The following TMEM132B variants were observed in gnomAD, a reference collection of about 807,000 sequenced individuals.
TMEM132B encodes the protein transmembrane protein 132B.
In TMEM132B, 18 loss-of-function variants were observed where a neutral mutation model predicts 90.8. The ratio of observed to expected loss-of-function variants is 0.20; its 90% CI spans 0.14 to 0.29. TMEM132B has a LOEUF of 0.29. TMEM132B is among the 10% of genes least tolerant of loss of function. The pLI is 1.00. For missense variants in TMEM132B, 1,096 were observed against 1,326.8 expected (o/e 0.83, Z 2.70); for synonymous variants, 504 against 523.3 (o/e 0.96, Z 0.50).
intron 2 of TMEM132B, among the ~76,000 whole-genome samples, chr12:125,405,009 C>A (rs1217543761): frequency 6.6e-6 from 1 of 152,216 alleles, no homozygotes; most frequent in Non-Finnish European, 1.5e-5. Flanking sequence ...TCTGTGCCAG[C>A]ACTTTATATT....
At chr12:125,396,619 C>T (rs1005836419) in intron 2 of TMEM132B, among the ~76,000 whole-genome samples, 1 of 151,314 alleles carries the variant, frequency 6.6e-6, no homozygotes, top group Non-Finnish European at 1.5e-5. Context: ...CTCAGGTGAT[C>T]CTCCCACCTC....
chr12:125,199,521 G>A (rs192633656), intron 1 of TMEM132B, among the ~76,000 whole-genome samples: 2 of 152,266 alleles, frequency 1.3e-5, no homozygotes, highest in Admixed American at 6.5e-5. Context: ...GGGCATCTCT[G>A]GGGGAACAAG....
At chr12:125,264,606 G>A (rs1380642091) in intron 1 of TMEM132B, among the ~76,000 whole-genome samples, 1 of 152,182 alleles carries the variant, frequency 6.6e-6, no homozygotes, top group African/African-American at 2.4e-5. Context: ...AGGTCTTTAG[G>A]GGTCTCAGAA....
chr12:125,592,500 T>C (rs556448475), intron 5 of TMEM132B, among the ~76,000 whole-genome samples: 1 of 152,268 alleles, frequency 6.6e-6, no homozygotes, highest in African/African-American at 2.4e-5. Context: ...GTTTCCAAAC[T>C]TGGTCTGTGA....
rs528397903 is a variant in TMEM132B, at chr12:125,291,030, A to G, written c.68-58422A>G. Among the ~76,000 whole-genome samples, 41 of 152,292 alleles carry G rather than the reference A, an allele frequency of 2.7e-4. 1 individual carries two copies. The South Asian group carries it at 7.5e-3, about 28-fold the overall frequency. ...TTAATCCTTCCCCGTCCCCCAGCCAATTCATACGTTGAAATGCTAATCCCC... is the reference window on the plus strand; with the variant it reads ...TTAATCCTTCCCCGTCCCCCAGCCAGTTCATACGTTGAAATGCTAATCCCC... On this transcript the variant is annotated intron_variant, in intron 1 of 8. Transcript: ENST00000682704.
chr12:125,495,465 C>A (rs899863876), intron 3 of TMEM132B, among the ~76,000 whole-genome samples: 1 of 152,160 alleles, frequency 6.6e-6, no homozygotes, highest in African/African-American at 2.4e-5. Flanking sequence ...TCCCCTTGAC[C>A]CTTCCAACTC....
At chr12:125,604,743 G>A (rs899574637) in intron 5 of TMEM132B, among the ~76,000 whole-genome samples, 3 of 152,194 alleles carry the variant, frequency 2.0e-5, no homozygotes, top group Non-Finnish European at 2.9e-5. Flanking sequence ...GTTTTTGTAG[G>A]CAACCAAAGG....
intron 3 of TMEM132B, among the ~76,000 whole-genome samples, chr12:125,488,238 A>G (rs945763289): frequency 6.6e-6 from 1 of 152,216 alleles, no homozygotes; most frequent in Non-Finnish European, 1.5e-5. Context: ...TTGTTCTGAC[A>G]TTGTACTGAA....
intron 2 of TMEM132B, among the ~76,000 whole-genome samples, chr12:125,399,483 A>ATGTGTGTG (rs1555246075): frequency 5.7e-5 from 4 of 69,854 alleles, no homozygotes; most frequent in African/African-American, 1.8e-4. Context: ...GTGTGTGTGT[A>ATGTGTGTG]TGTGTGTGTG....
intron 1 of TMEM132B, among the ~76,000 whole-genome samples, chr12:125,208,541 T>C (rs994729827): frequency 1.3e-5 from 2 of 152,232 alleles, no homozygotes; most frequent in African/African-American, 4.8e-5. Flanking sequence ...TGGTATCACA[T>C]AGCATGTGGC....
chr12:125,312,856 A>C (rs1018414975), intron 1 of TMEM132B, among the ~76,000 whole-genome samples: 2 of 152,140 alleles, frequency 1.3e-5, no homozygotes, highest in African/African-American at 4.8e-5. Context: ...CAGGATGGGG[A>C]TGAGGGTGTC....
chr12:125,360,033 G>C (rs1299836648), intron 2 of TMEM132B, among the ~76,000 whole-genome samples: 1 of 152,168 alleles, frequency 6.6e-6, no homozygotes, highest in African/African-American at 2.4e-5. Flanking sequence ...AGCTGAGATC[G>C]TGCCACTGTA....
chr12:125,475,203 C>G (rs1881843222), intron 3 of TMEM132B, among the ~76,000 whole-genome samples: 1 of 152,140 alleles, frequency 6.6e-6, no homozygotes, highest in African/African-American at 2.4e-5. Flanking sequence ...CAGTGCCTGA[C>G]TCGCAAACAA....
intron 1 of TMEM132B, among the ~76,000 whole-genome samples, chr12:125,243,911 C>T (rs576390323): frequency 1.1e-3 from 167 of 152,270 alleles, no homozygotes; most frequent in African/African-American, 3.8e-3. Context: ...TAGCAGTCAC[C>T]GCCAACGCCC....
rs200493004 is a variant in TMEM132B at position 125,428,895 on chromosome 12, TA to T, written c.1106+13220del. ...CTGTAGCTGAGTGTGGCTAGTTGGG[TA>T]ACCTGATGGTGTTTGCAGAAGGGGT... is the stretch of plus-strand genomic sequence containing the variant. On this transcript the variant is annotated intron_variant, in intron 3 of 8. Transcript: ENST00000682704. Among the ~76,000 whole-genome samples, 8 of 152,306 alleles carry T rather than the reference TA, an allele frequency of 5.3e-5. No individual in the cohort carries two copies. The East Asian group carries it at 1.3e-3, about 26-fold the overall frequency.
intron 1 of TMEM132B, chr12:125,326,809 C>T (rs1239896166): frequency 2.4e-6 from 2 of 848,680 alleles, no homozygotes; most frequent in South Asian, 1.8e-5. Context: ...TCTCCGTGCA[C>T]CCCTTCCTCT....
At chr12:125,411,340 T>A (rs1413100169) in intron 2 of TMEM132B, among the ~76,000 whole-genome samples, 1 of 126,952 alleles carries the variant, frequency 7.9e-6, no homozygotes, top group Non-Finnish European at 1.6e-5. Context: ...GAGGGGAACA[T>A]CACACACTGG....
intron 3 of TMEM132B, among the ~76,000 whole-genome samples, chr12:125,448,964 CTTTTTT>C (rs368984381): frequency 2.4e-5 from 3 of 124,722 alleles, no homozygotes; most frequent in African/African-American, 5.9e-5. Context: ...ATTCATATAT[CTTTTTT>C]TTTTTTTTTT....
intron 1 of TMEM132B, among the ~76,000 whole-genome samples, chr12:125,187,453 C>A (rs1957766746): frequency 6.6e-6 from 1 of 152,190 alleles, no homozygotes; most frequent in Non-Finnish European, 1.5e-5. Flanking sequence ...CAAAGAGCAG[C>A]CCGCTGCGCG....
Sources: allele counts gnomAD v4.1 joint callset (sites outside exome capture counted in the v4.1 genomes callset), GRCh38; gene constraint gnomAD v4.1.1; transcripts MANE v1.5; gene names NCBI Gene and HGNC (gene_info 2026-07-23, HGNC 2026-07-21).